Variants in CCL26 observed in about 807,000 individuals in gnomAD.
CCL26 encodes C-C motif chemokine ligand 26.
A neutral mutation model predicts 10.7 loss-of-function variants in CCL26; 10 were observed. The observed-to-expected ratio is 0.93, with a 90% CI of 0.57 to 1.58. CCL26 has a LOEUF of 1.58. Among genes scored for constraint, CCL26 ranks in the 40% most tolerant of loss-of-function variants. The probability of loss-of-function intolerance (pLI) is 0.00; values close to 1 mark genes in which losing one functional copy is unlikely to be tolerated. For missense variants in CCL26, 116 were observed against 111.0 expected, an observed-to-expected ratio of 1.05 and a Z score of -0.20; for synonymous variants, 43 against 41.4, an observed-to-expected ratio of 1.04 and a Z score of -0.15.
chr7:75,771,458 C>T (rs1332912903), intron 2 of CCL26, among the ~76,000 whole-genome samples: 1 of 152,184 alleles, frequency 6.6e-6, no homozygotes, highest in Non-Finnish European at 1.5e-5. Flanking sequence ...CAGTGACTCA[C>T]ACTTGTAATC....
At chr7:75,783,596 G>C (rs112721570) in intron 1 of CCL26, among the ~76,000 whole-genome samples, 5,005 of 152,006 alleles carry the variant, frequency 0.033, 175 homozygotes, top group Non-Finnish European at 0.044. Context: ...TCAGGAGATC[G>C]AGACTACGGT....
At chr7:75,788,110 A>G (rs945407104) in intron 1 of CCL26, among the ~76,000 whole-genome samples, 2 of 151,964 alleles carry the variant, frequency 1.3e-5, no homozygotes, top group Non-Finnish European at 2.9e-5. Context: ...TCGCCGCCCC[A>G]ATACTTTACC....
chr7:75,783,749 T>C (rs1248527068), intron 1 of CCL26, among the ~76,000 whole-genome samples: 3 of 142,418 alleles, frequency 2.1e-5, no homozygotes, highest in South Asian at 2.2e-4. Context: ...ATCGTGCCAC[T>C]GCACACCAGC....
chr7:75,773,185 A>T (rs561327061), upstream of CCL26, among the ~76,000 whole-genome samples: 14 of 152,124 alleles, frequency 9.2e-5, no homozygotes, highest in South Asian at 2.1e-4. Flanking sequence ...AAAACAAAAC[A>T]AACAAACAAC....
intron 1 of CCL26, among the ~76,000 whole-genome samples, chr7:75,783,750 G>A (rs565810661): frequency 1.4e-5 from 2 of 144,630 alleles, no homozygotes; most frequent in South Asian, 4.3e-4. Flanking sequence ...TCGTGCCACT[G>A]CACACCAGCC....
At chr7:75,790,179 C>CTTCCTTCCTTTCTT (rs1563342375), upstream of CCL26, among the ~76,000 whole-genome samples, 2 of 30,718 alleles carry the variant, frequency 6.5e-5, no homozygotes, top group Admixed American at 2.7e-4. Flanking sequence ...TCCTTCCTTC[C>CTTCCTTCCTTTCTT]TTTCTTTCTT....
intron 1 of CCL26, among the ~76,000 whole-genome samples, chr7:75,778,347 G>A (rs1289751609): frequency 6.6e-6 from 1 of 151,592 alleles, no homozygotes; most frequent in African/African-American, 2.4e-5. Context: ...TCAGCTTCCT[G>A]AGTAGCTGGG....
chr7:75,772,194 C>T lies in CCL26; in HGVS notation c.-18G>A. 3.2e-6 allele frequency: 5 copies of T among 1,544,848 alleles called. No individual in the cohort carries two copies. Among genetic ancestry groups the T allele is most frequent in the Non-Finnish European group, 4.4e-6 (5 of 1,142,398 alleles). On this transcript the variant is annotated 5_prime_UTR_variant, in exon 1 of 3. Coordinates refer to ENST00000005180, the MANE Select transcript of CCL26 (RefSeq NM_001371938.1). The stretch of plus-strand genomic sequence containing the variant: ...CCCATCATGATGCTGCAAATCAGGC[C>T]CTTCTCAGGTTTCTCCCAAACTCCT...
intron 1 of CCL26, among the ~76,000 whole-genome samples, chr7:75,780,258 G>A (rs1445342432): frequency 2.7e-5 from 4 of 149,986 alleles, no homozygotes; most frequent in African/African-American, 9.8e-5. Flanking sequence ...CCTTCTCTCC[G>A]TGTCTCTACC....
chr7:75,791,559 TG>T (rs1215413807), upstream of CCL26, among the ~76,000 whole-genome samples: 1 of 152,134 alleles, frequency 6.6e-6, no homozygotes, highest in East Asian at 1.9e-4. Flanking sequence ...GGCTGCCATC[TG>T]GGCTTCCCAC....
intron 1 of CCL26, among the ~76,000 whole-genome samples, chr7:75,781,098 C>T (rs1803050009): frequency 6.6e-6 from 1 of 152,234 alleles, no homozygotes; most frequent in South Asian, 2.1e-4. Context: ...CCCTTAGCGG[C>T]TTTACAGCCC....
upstream of CCL26, among the ~76,000 whole-genome samples, chr7:75,777,047 ATAGT>A (rs755342442): frequency 6.3e-4 from 96 of 152,250 alleles, no homozygotes; most frequent in Non-Finnish European, 1.2e-3. Context: ...CCTGGCCAAC[ATAGT>A]GAAACCCGGT....
intron 1 of CCL26, among the ~76,000 whole-genome samples, chr7:75,783,998 C>T (rs556117323): frequency 6.0e-4 from 91 of 152,276 alleles, no homozygotes; most frequent in South Asian, 2.1e-3. Flanking sequence ...TCAAACCGCA[C>T]AATAGGACTT....
At chr7:75,771,600 C>T (rs1274802850) in intron 2 of CCL26, among the ~76,000 whole-genome samples, 1 of 152,156 alleles carries the variant, frequency 6.6e-6, no homozygotes, top group African/African-American at 2.4e-5. Flanking sequence ...CCTGTAATTC[C>T]AGCTACTTGG....
upstream of CCL26, among the ~76,000 whole-genome samples, chr7:75,773,026 G>A (rs1802864739): frequency 6.6e-6 from 1 of 152,006 alleles, no homozygotes; most frequent in African/African-American, 2.4e-5. Flanking sequence ...GCCCAACCTC[G>A]ACAATGGATA....
In CCL26 at chr7:75,772,203, G is replaced by A; in HGVS notation, c.-27C>T. On this transcript the variant is annotated 5_prime_UTR_variant, in exon 1 of 3. Coordinates refer to ENST00000005180, the MANE Select transcript of CCL26 (RefSeq NM_001371938.1). ...ATGCTGCAAATCAGGCCCTTCTCAGGTTTCTCCCAAACTCCTCCTGCCTGA... is the reference window on the plus strand; with the variant it reads ...ATGCTGCAAATCAGGCCCTTCTCAGATTTCTCCCAAACTCCTCCTGCCTGA... 2 of 1,531,432 alleles carry A rather than the reference G, an allele frequency of 1.3e-6. No homozygotes were observed. Among genetic ancestry groups the A allele is most frequent in the Non-Finnish European group, 1.8e-6 (2 of 1,130,288 alleles). 94.9% of individuals were successfully genotyped at this position (1,531,432 alleles called of 1,614,324 possible). A position where few individuals can be genotyped will look rare whatever the true frequency, so the allele number is the denominator to read the frequency against.
chr7:75,773,527 T>A (rs1435397109), upstream of CCL26, among the ~76,000 whole-genome samples: 2 of 151,998 alleles, frequency 1.3e-5, no homozygotes, highest in Admixed American at 6.6e-5. Context: ...AATGTTGGGA[T>A]TACAGTGAGC....
intron 1 of CCL26, among the ~76,000 whole-genome samples, chr7:75,779,164 C>G (rs1554529105): frequency 6.6e-6 from 1 of 152,110 alleles, no homozygotes; most frequent in African/African-American, 2.4e-5. Context: ...TTTCCATTAC[C>G]TACCCAAATC....
Position 75,789,738 on chromosome 7 carries a change from C to G in CCL26, c.-100G>C, listed in dbSNP as rs536320007. 3 of 152,110 alleles carry G rather than the reference C, an allele frequency of 2.0e-5. No individual in the cohort carries two copies. In the South Asian group the frequency reaches 6.2e-4, roughly 32 times the overall value. 9.4% of individuals were successfully genotyped at this position (152,110 alleles called of 1,614,324 possible). A position where few individuals can be genotyped will look rare whatever the true frequency, so the allele number is the denominator to read the frequency against. On this transcript the variant is annotated 5_prime_UTR_variant, in exon 1 of 4. Transcript: ENST00000394905. Reference sequence around the variant, plus strand: ...TTACCTGGGGTCTTTGGCTCAGCCTCAATTCCAGACTCCTGGCTCATCCTC... The same window carrying G: ...TTACCTGGGGTCTTTGGCTCAGCCTGAATTCCAGACTCCTGGCTCATCCTC...
Sources: allele counts gnomAD v4.1 joint callset (sites outside exome capture counted in the v4.1 genomes callset), GRCh38; gene constraint gnomAD v4.1.1; transcripts MANE v1.5; gene names NCBI Gene and HGNC (gene_info 2026-07-23, HGNC 2026-07-21).